NRXN1: variants seen among roughly 807,000 people sequenced by gnomAD.
NRXN1 encodes the protein neurexin 1.
NRXN1 carries 39 observed loss-of-function variants against 150.9 expected under a neutral mutation model. The ratio of observed to expected loss-of-function variants is 0.26; its 90% CI spans 0.20 to 0.34. The LOEUF is 0.34. Among genes scored for constraint, NRXN1 ranks in the 10% least tolerant of loss-of-function variants. The pLI is 1.00. For missense variants in NRXN1, 1,815 were observed against 1,949.9 expected (o/e 0.93, Z 1.30); for synonymous variants, 924 against 757.0 (o/e 1.22, Z -3.62).
chr2:50,117,103 T>A (rs186310155), intron 18 of NRXN1, among the ~76,000 whole-genome samples: 1 of 152,256 alleles, frequency 6.6e-6, no homozygotes, highest in African/African-American at 2.4e-5. Flanking sequence ...ATTTTCAGAA[T>A]GTTTGATTAT....
intron 17 of NRXN1, among the ~76,000 whole-genome samples, chr2:50,439,624 G>T (rs1251261376): frequency 6.6e-6 from 1 of 151,952 alleles, no homozygotes; most frequent in Non-Finnish European, 1.5e-5. Context: ...GGCTAACACG[G>T]TGAAAACCCA....
At chr2:50,727,652 G>GAAAATT (rs1424415305) in intron 5 of NRXN1, among the ~76,000 whole-genome samples, 10 of 152,032 alleles carry the variant, frequency 6.6e-5, no homozygotes, top group Admixed American at 5.9e-4. Flanking sequence ...AACATAATGG[G>GAAAATT]AAAATTAAAG....
At chr2:50,884,421 G>A (rs1679914634) in intron 5 of NRXN1, among the ~76,000 whole-genome samples, 1 of 151,592 alleles carries the variant, frequency 6.6e-6, no homozygotes, top group Admixed American at 6.6e-5. Flanking sequence ...TTCAAATAAT[G>A]CATTTCTGTG....
At chr2:50,343,090 C>A (rs898659937) in intron 17 of NRXN1, among the ~76,000 whole-genome samples, 1 of 152,246 alleles carries the variant, frequency 6.6e-6, no homozygotes, top group South Asian at 2.1e-4. Context: ...ACACTTCCTT[C>A]TGGGAAAGCC....
chr2:50,812,114 G>C (rs1668299102), intron 5 of NRXN1, among the ~76,000 whole-genome samples: 1 of 152,048 alleles, frequency 6.6e-6, no homozygotes, highest in Admixed American at 6.5e-5. Flanking sequence ...AAAAAACTTG[G>C]TTAGATATTT....
rs1699560039 is a variant in NRXN1 at position 50,091,484 on chromosome 2, T to C, written c.3557A>G (p.Lys1186Arg). 4 of 1,614,014 alleles carry C rather than the reference T, an allele frequency of 2.5e-6. No individual in the cohort carries two copies. In the African/African-American group the frequency reaches 4.0e-5, roughly 16 times the overall value. The change falls in exon 19 of 23, where the codon AAA becomes AGA. Residue 1186 changes from lysine to arginine, a missense_variant. Lys to Arg is a conservative substitution (Grantham distance 26, BLOSUM62 2). This residue lies in a region of NRXN1 where 339 missense variants were observed against 440.3 expected (regional missense o/e 0.77). Transcript: ENST00000401669. Reference protein sequence around the residue: ...DYLELHIHQGKIGVKFNVGTD... With the variant: ...DYLELHIHQGRIGVKFNVGTD... ...CCCAACATTAAACTTAACTCCAATT[T>C]TTCCCTGGTGCTGTAAGAGAGGAGG...
At chr2:50,989,269 TC>T (rs1698185176) in intron 2 of NRXN1, among the ~76,000 whole-genome samples, 1 of 152,010 alleles carries the variant, frequency 6.6e-6, no homozygotes, top group South Asian at 2.1e-4. Flanking sequence ...CATGTGTTCA[TC>T]TCATTACTAT....
intron 5 of NRXN1, among the ~76,000 whole-genome samples, chr2:50,840,656 C>T (rs991879501): frequency 6.6e-6 from 1 of 152,098 alleles, no homozygotes; most frequent in Non-Finnish European, 1.5e-5. Context: ...CATGGTTACA[C>T]ACAAAAGAGA....
intron 8 of NRXN1, among the ~76,000 whole-genome samples, chr2:50,594,747 T>C (rs1481669758): frequency 6.6e-6 from 1 of 152,142 alleles, no homozygotes; most frequent in Non-Finnish European, 1.5e-5. Context: ...TTGAATCCTA[T>C]AAAGAGAGGA....
chr2:50,738,820 G>A (rs1699078777), intron 5 of NRXN1, among the ~76,000 whole-genome samples: 1 of 152,106 alleles, frequency 6.6e-6, no homozygotes, highest in Non-Finnish European at 1.5e-5. Context: ...GATGTTAAAA[G>A]GCAAGAACCT....
chr2:50,473,068 C>T (rs1237900036), intron 15 of NRXN1, among the ~76,000 whole-genome samples: 1 of 151,820 alleles, frequency 6.6e-6, no homozygotes, highest in East Asian at 1.9e-4. Context: ...CTTCTTGTAT[C>T]TAAAGTCACT....
chr2:50,481,805 G>A (rs1240856139), intron 15 of NRXN1, among the ~76,000 whole-genome samples: 3 of 97,358 alleles, frequency 3.1e-5, no homozygotes, highest in Admixed American at 1.6e-4. Flanking sequence ...TCGCTCTGTC[G>A]CCCAGGCTGG....
chr2:49,931,874 G>A (rs904141694), intron 22 of NRXN1, among the ~76,000 whole-genome samples: 1 of 152,086 alleles, frequency 6.6e-6, no homozygotes, highest in African/African-American at 2.4e-5. Flanking sequence ...TATACATCCA[G>A]AAATCACTTT....
intron 17 of NRXN1, among the ~76,000 whole-genome samples, chr2:50,463,521 A>C (rs532908104): frequency 6.6e-6 from 1 of 151,924 alleles, no homozygotes; most frequent in South Asian, 2.1e-4. Flanking sequence ...AGACACATTT[A>C]TTGAATGACA....
intron 17 of NRXN1, among the ~76,000 whole-genome samples, chr2:50,353,401 T>A (rs960382308): frequency 6.6e-6 from 1 of 152,108 alleles, no homozygotes; most frequent in African/African-American, 2.4e-5. Flanking sequence ...GACAAACACT[T>A]CCTAGGCTCA....
chr2:50,301,453 T>A (rs2074142006), intron 17 of NRXN1, among the ~76,000 whole-genome samples: 1 of 152,174 alleles, frequency 6.6e-6, no homozygotes. Context: ...ATTTAACATA[T>A]ATTAAGGGAA....
chr2:50,507,053 G>C (rs2092258635), intron 12 of NRXN1: 1 of 158,584 alleles, frequency 6.3e-6, no homozygotes, highest in African/African-American at 2.4e-5. Context: ...TGTAACCTCT[G>C]AGCTCTAGAA....
At chr2:50,215,230 T>C (rs1298667561) in intron 18 of NRXN1, among the ~76,000 whole-genome samples, 1 of 152,022 alleles carries the variant, frequency 6.6e-6, no homozygotes, top group East Asian at 1.9e-4. Context: ...CTGTCTTTCT[T>C]GTATTGCATT....
chr2:50,600,276 CA>C (rs564457896), intron 8 of NRXN1, among the ~76,000 whole-genome samples: 33 of 127,974 alleles, frequency 2.6e-4, no homozygotes, highest in African/African-American at 8.9e-4. Flanking sequence ...TGAAAATAAA[CA>C]AAAAAAAATA....
Sources: gnomAD v4.1 joint callset for allele counts (sites outside exome capture counted in the v4.1 genomes callset) on GRCh38, gnomAD v4.1.1 for gene constraint, gnomAD v4.1.1 regional missense constraint, MANE v1.5 for transcripts, NCBI Gene and HGNC (gene_info 2026-07-23, HGNC 2026-07-21) for gene names.